ZBED6: variants seen among roughly 807,000 people sequenced by gnomAD.
The protein encoded by ZBED6 is zinc finger BED-type containing 6, also known as zinc finger BED domain-containing protein 6.
ZBED6 carries 40 observed loss-of-function variants against 58.4 expected under a neutral mutation model. The observed-to-expected ratio is 0.68, with a 90% CI of 0.53 to 0.89. ZBED6 has a LOEUF of 0.89. Among genes scored for constraint, ZBED6 ranks in the 40% least tolerant of loss-of-function variants. The pLI, the probability that ZBED6 is intolerant of heterozygous loss-of-function variation, is 0.00. For missense variants in ZBED6, 1,057 were observed against 1,003.9 expected, an observed-to-expected ratio of 1.05 and a Z score of -0.71; for synonymous variants, 439 against 350.6, an observed-to-expected ratio of 1.25 and a Z score of -2.82.
intron 3 of ZBED6, among the ~76,000 whole-genome samples, chr1:203,826,696 G>C (rs1486936168): frequency 7.2e-5 from 11 of 151,996 alleles, no homozygotes; most frequent in Admixed American, 7.2e-4. Context: ...TTCAATGCTG[G>C]TGTTTTTTCC....
At chr1:203,798,721 C>T (rs890377253) in exon 1 of ZBED6, 1 of 1,536,006 alleles carries the variant, frequency 6.5e-7, no homozygotes, top group African/African-American at 1.4e-5. Flanking sequence ...AGAGAAACAA[C>T]ATGTTGTGGA....
rs371836391 is a variant in ZBED6 at position 203,813,942 on chromosome 1, ACCCTTTTC to A, written c.*2555-2983_*2555-2976del. On this transcript the variant is annotated intron_variant, in intron 1 of 16. Coordinates refer to ENST00000550078, the Ensembl canonical transcript of ZBED6. ...CTCCAACAAACTGTTGCCCACCCAT[ACCCTTTTC>A]TCTACAGAGCATACATTCTTGTTTT... Among the ~76,000 whole-genome samples, 500 of 147,150 alleles carry A rather than the reference ACCCTTTTC, an allele frequency of 3.4e-3. 2 individuals are homozygous for A. Among genetic ancestry groups the A allele is most frequent in the Middle Eastern group, 0.031 (9 of 286 alleles).
intron 1 of ZBED6, among the ~76,000 whole-genome samples, chr1:203,816,392 A>G (rs753219630): frequency 2.0e-5 from 3 of 152,180 alleles, no homozygotes; most frequent in Non-Finnish European, 2.9e-5. Flanking sequence ...TGGGAGGCCA[A>G]GTGAGGAGGA....
rs184503842 is a variant in ZBED6 at position 203,819,762 on chromosome 1, G to C, written c.*2873+1073G>C. On this transcript the variant is annotated intron_variant, in intron 3 of 16. Transcript: ENST00000550078. ...CTGGTCAGGCTGGTCTCGAACTCCT[G>C]ATCTCTGGTGATCCACTTGCCTCGG... 1.9e-3 allele frequency among the ~76,000 whole-genome samples: 281 copies of C among 149,080 alleles called. 2 individuals are homozygous for C. The highest frequency in any genetic ancestry group is 6.6e-3 in the African/African-American group (267 of 40,592).
At chr1:203,819,659 C>T (rs907780401) in intron 3 of ZBED6, among the ~76,000 whole-genome samples, 8 of 149,978 alleles carry the variant, frequency 5.3e-5, no homozygotes, top group Non-Finnish European at 1.2e-4. Flanking sequence ...CTCAGCCTCC[C>T]GAGTAGCTAG....
At position 203,812,357 on chromosome 1, in the gene ZBED6, T is replaced by C. The variant is rs1157617226; in HGVS notation, c.*2555-4569T>C. ...GTTCTCAGCATTTAGCTCCCACTTATAAGTGAGAACATGCTGTATTTGGTT... is the reference window on the plus strand; with the variant it reads ...GTTCTCAGCATTTAGCTCCCACTTACAAGTGAGAACATGCTGTATTTGGTT... On this transcript the variant is annotated intron_variant, in intron 1 of 16. Coordinates refer to ENST00000550078, the Ensembl canonical transcript of ZBED6. Among the ~76,000 whole-genome samples the C allele has an allele frequency of 5.9e-5, 9 of 152,184 alleles. No individual in the cohort carries two copies. The South Asian group carries it at 1.2e-3, about 21-fold the overall frequency.
intron 16 of ZBED6, among the ~76,000 whole-genome samples, chr1:203,851,425 G>T (rs1218864637): frequency 6.6e-6 from 1 of 152,140 alleles, no homozygotes; most frequent in Non-Finnish European, 1.5e-5. Context: ...CACTTCCCGG[G>T]TTCAAGCAAT....
intron 3 of ZBED6, among the ~76,000 whole-genome samples, chr1:203,826,306 T>A (rs1406891287): frequency 6.6e-6 from 1 of 151,762 alleles, no homozygotes; most frequent in Non-Finnish European, 1.5e-5. Context: ...CAGTAGCCTA[T>A]ACTTTTAAAA....
intron 3 of ZBED6, 71 bp downstream of exon 3, chr1:203,818,760 C>T (rs1307923115): frequency 3.7e-6 from 6 of 1,604,596 alleles, no homozygotes; most frequent in Non-Finnish European, 5.1e-6. Context: ...AATATAGGGA[C>T]AAAAGTGACT....
intron 9 of ZBED6, among the ~76,000 whole-genome samples, chr1:203,836,857 T>C (rs1233317227): frequency 2.0e-5 from 3 of 152,246 alleles, no homozygotes; most frequent in Non-Finnish European, 2.9e-5. Flanking sequence ...AGATACAGAA[T>C]ATTTCAGAAC....
At chr1:203,798,899 G>A in exon 1 of ZBED6, 1 of 1,536,090 alleles carries the variant, frequency 6.5e-7, no homozygotes, top group South Asian at 1.2e-5. Context: ...CTGTACCTCA[G>A]TTATATGATT....
At chr1:203,830,972 G>GT (rs1221380584) in intron 7 of ZBED6, among the ~76,000 whole-genome samples, 653 of 49,542 alleles carry the variant, frequency 0.013, 3 homozygotes, top group African/African-American at 0.046. Context: ...TTGAGACAGA[G>GT]TTTTGCTTTT....
chr1:203,795,632 C>T (rs1011175796), upstream of ZBED6: 2 of 152,186 alleles, frequency 1.3e-5, no homozygotes, highest in African/African-American at 4.8e-5. Context: ...TAGAGCGGAG[C>T]CTGTAGCCAG....
At chr1:203,829,576 GA>G (rs1681601406) in exon 5 of ZBED6, 1 of 1,614,034 alleles carries the variant, frequency 6.2e-7, no homozygotes, top group Non-Finnish European at 8.5e-7. Flanking sequence ...TATGAAAGTA[GA>G]AAGTTCCGAA....
chr1:203,811,137 C>G (rs1674345663), intron 1 of ZBED6, among the ~76,000 whole-genome samples: 1 of 136,068 alleles, frequency 7.3e-6, no homozygotes, highest in South Asian at 2.3e-4. Flanking sequence ...GAGTGAAACT[C>G]TGTCACAAAA....
At chr1:203,802,241 T>C (rs1242622471) in exon 1 of ZBED6, 2 of 152,642 alleles carry the variant, frequency 1.3e-5, no homozygotes, top group East Asian at 3.8e-4. Flanking sequence ...CATAATGATA[T>C]ATGTGTAAGG....
chr1:203,798,459 A>G, exon 1 of ZBED6: 3 of 1,536,086 alleles, frequency 2.0e-6, no homozygotes, highest in Middle Eastern at 3.3e-4. Flanking sequence ...CCTGCAAGCC[A>G]CACATCCTAT....
Position 203,828,520 on chromosome 1 carries a change from T to C in ZBED6, c.*2997+98T>C, listed in dbSNP as rs1427565195. ...CAGACATTGACTCCTTTCAGTCTTG[T>C]GAAACAGCAGAATTATTTCCACTTT... On this transcript the variant is annotated intron_variant, in intron 4 of 16. Coordinates refer to ENST00000550078, the Ensembl canonical transcript of ZBED6. The C allele has an allele frequency of 5.0e-6, 7 of 1,395,072 alleles. No individual in the cohort carries two copies. In the East Asian group the frequency reaches 1.8e-4, roughly 35 times the overall value. The allele number at this position is 1,395,072 out of a possible 1,614,324, so 86.4% of individuals were successfully genotyped here.
intron 1 of ZBED6, chr1:203,805,593 T>A: frequency 1.6e-6 from 1 of 630,182 alleles, no homozygotes; most frequent in Non-Finnish European, 3.1e-6. Context: ...ATAATATGTT[T>A]TACATGATGT....
Sources: allele counts gnomAD v4.1 joint callset (sites outside exome capture counted in the v4.1 genomes callset), GRCh38; gene constraint gnomAD v4.1.1; transcripts MANE v1.5; gene names NCBI Gene and HGNC (gene_info 2026-07-23, HGNC 2026-07-21).